HP1BP3: variants seen among roughly 807,000 people sequenced by gnomAD.
The protein encoded by HP1BP3 is heterochromatin protein 1-binding protein 3.
Under a neutral mutation model 62.5 loss-of-function variants are expected in HP1BP3, and 12 were observed. The ratio of observed to expected loss-of-function variants is 0.19; its 90% CI spans 0.12 to 0.31. The LOEUF (loss-of-function observed/expected upper bound fraction) is 0.31, where lower values mean the gene tolerates loss of function less well. Among genes scored for constraint, HP1BP3 ranks in the 10% least tolerant of loss-of-function variants. HP1BP3 has a pLI of 1.00. For synonymous variants in HP1BP3, 260 were observed against 237.8 expected, an observed-to-expected ratio of 1.09 and a Z score of -0.86; for missense variants, 502 against 651.8, an observed-to-expected ratio of 0.77 and a Z score of 2.50.
Position 20,744,760 on chromosome 1 carries a change from T to C in HP1BP3, c.*37A>G, listed in dbSNP as rs770298021. The C allele has an allele frequency of 1.2e-5, 18 of 1,535,638 alleles. No individual in the cohort carries two copies. Among genetic ancestry groups the C allele is most frequent in the African/African-American group, 1.1e-4 (8 of 71,856 alleles). Reference sequence around the variant, plus strand: ...CACACTGACCTTAGAAAATAAGATTTTGAATTTCATCATGATACCCTTTTT... The same window carrying C: ...CACACTGACCTTAGAAAATAAGATTCTGAATTTCATCATGATACCCTTTTT... On this transcript the variant is annotated 3_prime_UTR_variant, in exon 13 of 13. Transcript: ENST00000438032.
Position 20,744,735 on chromosome 1 carries a change from C to T in HP1BP3, c.*62G>A, listed in dbSNP as rs1427779681. ...GAAAAGCATCAAAACTAAACAAATG[C>T]ACACTGACCTTAGAAAATAAGATTT... On this transcript the variant is annotated 3_prime_UTR_variant, in exon 13 of 13. Coordinates refer to ENST00000438032, the MANE Select transcript of HP1BP3 (RefSeq NM_001372052.1). The T allele has an allele frequency of 2.8e-6, 4 of 1,408,532 alleles. No homozygotes were observed. In the African/African-American group the frequency reaches 4.3e-5, roughly 15 times the overall value. 87.3% of individuals were successfully genotyped at this position (1,408,532 alleles called of 1,614,324 possible).
rs144814158 is a variant in HP1BP3 at position 20,744,947 on chromosome 1, C to A, written c.1512G>T (p.Thr504=). Residue 504 remains threonine (T), a synonymous_variant, in exon 13 of 13, where the codon ACG becomes ACT. Transcript: ENST00000438032. ...ATGAGGGTCTGGTCTTCTTGGCAGG[C>A]GTTTTGGCCTTAGGAGGTGCTTTCT... The part of the protein sequence containing the change: ...LPKKAPPKAK[T]PAKKTRPSST... 1.2e-6 allele frequency: 2 copies of A among 1,614,082 alleles called. No individual in the cohort carries two copies. Among genetic ancestry groups the A allele is most frequent in the African/African-American group, 1.3e-5 (1 of 75,002 alleles).
At chr1:20,757,052 C>T in intron 9 of HP1BP3, 114 bp downstream of exon 9, 1 of 607,532 alleles carries the variant, frequency 1.6e-6, no homozygotes, top group Non-Finnish European at 2.9e-6. Flanking sequence ...ACAGATATAA[C>T]CCACATAAAC....
intron 9 of HP1BP3, chr1:20,750,186 C>T (rs1570554411): frequency 8.5e-6 from 2 of 234,558 alleles, no homozygotes; most frequent in East Asian, 2.2e-4. Context: ...AGTTATGTCC[C>T]TAAAAATTAA....
At position 20,744,894 on chromosome 1, in the gene HP1BP3, C is replaced by T. The variant is rs771838911; in HGVS notation, c.1565G>A (p.Gly522Asp). ...ACTGGTTGCAGGCTTCTTTGAGGAGCCACCACTAGGTTTCTTGATGACTGT... is the reference window on the plus strand; with the variant it reads ...ACTGGTTGCAGGCTTCTTTGAGGAGTCACCACTAGGTTTCTTGATGACTGT... ...SSTVIKKPSG[G>D]SSKKPATSAR... The change falls in exon 13 of 13, where the codon GGC (glycine) becomes GAC (aspartate). Residue 522 changes from glycine to aspartate, a missense_variant. This residue lies in a region of HP1BP3 where 194 missense variants were observed against 207.0 expected (regional missense o/e 0.94). Transcript: ENST00000438032. The T allele has an allele frequency of 6.2e-7, 1 of 1,614,142 alleles. No individual in the cohort carries two copies. Among genetic ancestry groups the T allele is most frequent in the Non-Finnish European group, 8.5e-7 (1 of 1,180,018 alleles).
chr1:20,755,956 GAGAC>G (rs1330347931), intron 9 of HP1BP3, among the ~76,000 whole-genome samples: 2 of 152,320 alleles, frequency 1.3e-5, no homozygotes, highest in East Asian at 3.9e-4. Flanking sequence ...AATCTGCAGA[GAGAC>G]AGAACAGACT....
intron 1 of HP1BP3, among the ~76,000 whole-genome samples, chr1:20,784,518 G>T (rs1287223861): frequency 7.7e-6 from 1 of 129,494 alleles, no homozygotes; most frequent in East Asian, 2.3e-4. Flanking sequence ...TTGCTCTGTC[G>T]CCCAGGCTGG....
chr1:20,783,841 A>G (rs546808231), intron 1 of HP1BP3, among the ~76,000 whole-genome samples: 2 of 151,940 alleles, frequency 1.3e-5, no homozygotes, highest in African/African-American at 4.8e-5. Flanking sequence ...AGTCAAAGTC[A>G]TAGAACTTCA....
chr1:20,777,225 T>C (rs2057341519), intron 3 of HP1BP3, among the ~76,000 whole-genome samples: 2 of 151,192 alleles, frequency 1.3e-5, no homozygotes, highest in Non-Finnish European at 2.9e-5. Context: ...GAGTAGCTAC[T>C]ATAAAACACA....
chr1:20,759,390 CA>C lies in HP1BP3; in HGVS notation c.891-2135del, dbSNP rs374975859. The stretch of plus-strand genomic sequence containing the variant: ...TGCACTCCAGCCTGGGCAACAAGAG[CA>C]AAACTCTGTCTCCAAACAAAAAAAA... On this transcript the variant is annotated intron_variant, in intron 8 of 12. Coordinates refer to ENST00000438032, the MANE Select transcript of HP1BP3 (RefSeq NM_001372052.1). Among the ~76,000 whole-genome samples the C allele has an allele frequency of 3.4e-4, 52 of 152,272 alleles. 1 individual carries two copies. In the East Asian group the frequency reaches 8.1e-3, roughly 24 times the overall value.
chr1:20,756,820 A>G (rs1352164460), intron 9 of HP1BP3, among the ~76,000 whole-genome samples: 1 of 152,102 alleles, frequency 6.6e-6, no homozygotes, highest in African/African-American at 2.4e-5. Context: ...CGTTCAAGTG[A>G]TTCTCCTGCC....
chr1:20,782,395 G>A (rs749375262), intron 1 of HP1BP3, among the ~76,000 whole-genome samples: 11 of 151,484 alleles, frequency 7.3e-5, no homozygotes, highest in Non-Finnish European at 1.3e-4. Context: ...ACCAGCCTGG[G>A]CAATACAGAC....
chr1:20,752,066 C>T (rs941355370), intron 9 of HP1BP3, among the ~76,000 whole-genome samples: 1 of 151,950 alleles, frequency 6.6e-6, no homozygotes, highest in Admixed American at 6.5e-5. Context: ...TCAAGACCAG[C>T]CTGGCCAACA....
rs2057306942 is a variant in HP1BP3 at position 20,776,424 on chromosome 1, C to G, written c.350+173G>C. On this transcript the variant is annotated intron_variant, in intron 4 of 12. Coordinates refer to ENST00000438032, the MANE Select transcript of HP1BP3 (RefSeq NM_001372052.1). ...TGTGTTCTGCTAACTACAGCATATT[C>G]TAACAGGTCAAACAACTATATAATA... is the stretch of plus-strand genomic sequence containing the variant. The G allele has an allele frequency of 6.9e-6, 4 of 577,348 alleles. No homozygotes were observed. The South Asian group carries it at 1.0e-4, about 15-fold the overall frequency. 35.8% of individuals were successfully genotyped at this position (577,348 alleles called of 1,614,324 possible).
intron 10 of HP1BP3, among the ~76,000 whole-genome samples, chr1:20,749,128 G>C (rs2055540552): frequency 6.6e-6 from 1 of 152,138 alleles, no homozygotes; most frequent in Admixed American, 6.5e-5. Context: ...CTATAATTTA[G>C]AGTTGCTTTG....
chr1:20,747,588 T>C lies in HP1BP3; in HGVS notation c.1209A>G (p.Lys403=), dbSNP rs758384305. The change falls in exon 11 of 13, where the codon AAA becomes AAG. Residue 403 remains lysine, a synonymous_variant. Transcript: ENST00000438032. ...KNGWMEQISG[K]GFSGTFQLCF... is the part of the protein sequence containing the mutation. ...AGAGCTGGAAGGTGCCACTGAACCC[T>C]TTCCCAGAGATCTGTTCCATCCACC... is the stretch of plus-strand genomic sequence containing the variant. 5.6e-6 allele frequency: 9 copies of C among 1,613,660 alleles called. No homozygotes were observed. The African/African-American group carries it at 9.3e-5, about 17-fold the overall frequency.
chr1:20,777,637 T>C (rs1335110909), intron 3 of HP1BP3, among the ~76,000 whole-genome samples: 1 of 152,116 alleles, frequency 6.6e-6, no homozygotes, highest in Non-Finnish European at 1.5e-5. Context: ...TTTTTGTATT[T>C]TTAGTAGTGA....
chr1:20,776,432 TCAAA>T, intron 4 of HP1BP3, 161 bp downstream of exon 4: 1 of 608,244 alleles, frequency 1.6e-6, no homozygotes, highest in Non-Finnish European at 2.8e-6. Context: ...TTCTAACAGG[TCAAA>T]CAACTATATA....
At chr1:20,756,089 G>A (rs746440192) in intron 9 of HP1BP3, among the ~76,000 whole-genome samples, 87 of 152,198 alleles carry the variant, frequency 5.7e-4, no homozygotes, top group Non-Finnish European at 2.8e-4. Flanking sequence ...ATTCTATAAA[G>A]TTACTGAAAA....
Sources: allele counts gnomAD v4.1 joint callset (sites outside exome capture counted in the v4.1 genomes callset), GRCh38; gene constraint gnomAD v4.1.1; regional missense constraint gnomAD v4.1.1; transcripts MANE v1.5; gene names NCBI Gene and HGNC (gene_info 2026-07-23, HGNC 2026-07-21).